RBFA: variants seen among roughly 807,000 people sequenced by gnomAD.
RBFA encodes the protein putative ribosome-binding factor A, mitochondrial.
Under a neutral mutation model 27.9 loss-of-function variants are expected in RBFA, and 16 were observed. That is an observed-to-expected ratio of 0.57 (90% CI 0.39 to 0.87). The LOEUF is 0.87. Among genes scored for constraint, RBFA ranks in the 40% least tolerant of loss-of-function variants. The pLI, the probability that RBFA is intolerant of heterozygous loss-of-function variation, is 0.00. For missense variants in RBFA, 456 were observed against 432.1 expected (o/e 1.06, Z -0.49); for synonymous variants, 181 against 181.0 (o/e 1.00, Z 0.00).
chr18:80,034,477 C>G lies in RBFA; in HGVS notation c.-19C>G, dbSNP rs1401728956. ...GCGCCCGTTGTCTCCCTGCTCGCTCCGGGTCCCGGCGCCGCGCCATGTGGG... is the reference window on the plus strand; with the variant it reads ...GCGCCCGTTGTCTCCCTGCTCGCTCGGGGTCCCGGCGCCGCGCCATGTGGG... On this transcript the variant is annotated 5_prime_UTR_variant, in exon 1 of 7. Transcript: ENST00000306735. 2.0e-6 allele frequency: 3 copies of G among 1,508,960 alleles called. No homozygotes were observed. Among genetic ancestry groups the G allele is most frequent in the African/African-American group, 2.9e-5 (2 of 67,948 alleles). The allele number at this position is 1,508,960 out of a possible 1,614,324, so 93.5% of individuals were successfully genotyped here.
rs1019677893 is a variant in RBFA at position 80,050,612 on chromosome 18, G to A, written c.*4457G>A. Among the ~76,000 whole-genome samples, 1 of 152,112 alleles carries A rather than the reference G, an allele frequency of 6.6e-6. No homozygotes were observed. Among genetic ancestry groups the A allele is most frequent in the Non-Finnish European group, 1.5e-5 (1 of 68,030 alleles). On this transcript the variant is annotated 3_prime_UTR_variant, in exon 7 of 7. Transcript: ENST00000306735. ...AAAGATCATAAATGCTGTGGGTGCT[G>A]GCAAGATACTGAAATAAATTAATTC...
intron 4 of RBFA, chr18:80,041,720 C>CTTTTTTTTTTTTTTTTTTT (rs60801792): frequency 7.0e-6 from 1 of 142,348 alleles, no homozygotes; most frequent in Non-Finnish European, 1.5e-5. Context: ...ACTCCTGCCT[C>CTTTTTTTTTTTTTTTTTTT]TTTTTTTTTT....
chr18:80,044,142 C>T (rs1256618434), intron 5 of RBFA, 70 bp from the exon 6 acceptor site: 45 of 1,296,438 alleles, frequency 3.5e-5, no homozygotes, highest in Admixed American at 6.7e-5. Context: ...GCTGGTGTTA[C>T]GTGGAGCCCG....
intron 1 of RBFA, 82 bp from the exon 2 acceptor site, chr18:80,036,586 A>T: frequency 9.8e-7 from 1 of 1,020,222 alleles, no homozygotes; most frequent in South Asian, 1.4e-5. Flanking sequence ...ATAAACAGTT[A>T]TGGTATCATA....
intron 3 of RBFA, among the ~76,000 whole-genome samples, chr18:80,038,071 A>G (rs2051992796): frequency 6.6e-6 from 1 of 152,202 alleles, no homozygotes; most frequent in Non-Finnish European, 1.5e-5. Context: ...GCACATTGTC[A>G]GATAGTAGAA....
intron 4 of RBFA, 141 bp downstream of exon 4, chr18:80,038,758 T>G: frequency 4.9e-6 from 3 of 611,252 alleles, no homozygotes; most frequent in Non-Finnish European, 8.6e-6. Context: ...TTCTTGAAGT[T>G]CATAGTATAA....
chr18:80,037,602 G>C, intron 3 of RBFA, 96 bp downstream of exon 3: 1 of 1,192,362 alleles, frequency 8.4e-7, no homozygotes, highest in East Asian at 2.4e-5. Context: ...AAAAAAAGAC[G>C]CTTTAGACTG....
At chr18:80,036,742 T>C (rs754747270) in intron 2 of RBFA, 32 bp downstream of exon 2, 8 of 1,553,958 alleles carry the variant, frequency 5.1e-6, no homozygotes, top group East Asian at 2.2e-5. Flanking sequence ...CTTTATAATC[T>C]TGATGGGAGT....
In RBFA at chr18:80,046,647, C is replaced by T. The variant is rs1371304028; in HGVS notation, c.*492C>T. Reference sequence around the variant, plus strand: ...CATCCCTGGGGCTGCTGGGTCGGCACGTGGCGCCGGGGGCTCCGTCCCTGA... The same window carrying T: ...CATCCCTGGGGCTGCTGGGTCGGCATGTGGCGCCGGGGGCTCCGTCCCTGA... On this transcript the variant is annotated 3_prime_UTR_variant, in exon 7 of 7. Transcript: ENST00000306735. 5.3e-5 allele frequency among the ~76,000 whole-genome samples: 8 copies of T among 152,134 alleles called. No individual in the cohort carries two copies. Among genetic ancestry groups the T allele is most frequent in the African/African-American group, 1.2e-4 (5 of 41,436 alleles).
intron 1 of RBFA, chr18:80,034,866 A>G (rs939346396): frequency 5.8e-6 from 3 of 521,282 alleles, no homozygotes; most frequent in African/African-American, 4.1e-5. Flanking sequence ...CAAAGTGACA[A>G]TGTGTGTTTA....
At chr18:80,044,376 C>A in intron 6 of RBFA, 91 bp downstream of exon 6, 1 of 1,116,766 alleles carries the variant, frequency 9.0e-7, no homozygotes, top group Non-Finnish European at 1.4e-6. Context: ...AGCGCCACAT[C>A]CCGAGTAGCC....
intron 4 of RBFA, among the ~76,000 whole-genome samples, chr18:80,039,643 G>A (rs2052003642): frequency 6.6e-6 from 1 of 152,228 alleles, no homozygotes; most frequent in African/African-American, 2.4e-5. Context: ...ATTCACCACT[G>A]TGAGCTTGAC....
At chr18:80,044,858 T>C (rs999559688) in intron 6 of RBFA, among the ~76,000 whole-genome samples, 2 of 152,232 alleles carry the variant, frequency 1.3e-5, no homozygotes, top group African/African-American at 2.4e-5. Context: ...GAGCAGGCCT[T>C]GCCTGGGGGC....
chr18:80,036,590 TATC>T, intron 1 of RBFA, 75 bp from the exon 2 acceptor site: 1 of 1,055,700 alleles, frequency 9.5e-7, no homozygotes, highest in Non-Finnish European at 1.5e-6. Flanking sequence ...ACAGTTATGG[TATC>T]ATAACCTCTT....
intron 1 of RBFA, chr18:80,034,946 A>G: frequency 5.3e-6 from 2 of 375,758 alleles, no homozygotes; most frequent in Non-Finnish European, 9.5e-6. Context: ...ATGAAAAAAT[A>G]TAAGAATTTC....
Position 80,037,430 on chromosome 18 carries a change from A to G in RBFA, c.302A>G (p.Tyr101Cys), listed in dbSNP as rs118123838. 6.7e-5 allele frequency: 108 copies of G among 1,614,178 alleles called. No individual in the cohort carries two copies. The Admixed American group carries it at 9.2e-4, about 14-fold the overall frequency. Residue 101 changes from tyrosine to cysteine, a missense_variant, in exon 3 of 7, where the codon TAT becomes TGT. Coordinates refer to ENST00000306735, the MANE Select transcript of RBFA (RefSeq NM_024805.3). The stretch of plus-strand genomic sequence containing the variant: ...CTGAGGGCCCTGAACGGCCTCCTCT[A>G]TAAGGCACTGACAGACCTGCTGTGT... ...ARLRALNGLL[Y>C]KALTDLLCTP...
chr18:80,036,292 A>G (rs1219129385), intron 1 of RBFA, among the ~76,000 whole-genome samples: 1 of 152,114 alleles, frequency 6.6e-6, no homozygotes, highest in Non-Finnish European at 1.5e-5. Context: ...CCATTTGCTT[A>G]ATTGTTCAGT....
At chr18:80,038,132 G>GC (rs2051993192) in intron 3 of RBFA, among the ~76,000 whole-genome samples, 2 of 152,218 alleles carry the variant, frequency 1.3e-5, no homozygotes, top group Non-Finnish European at 2.9e-5. Flanking sequence ...CCTCAGTACA[G>GC]AGGTACAGGA....
intron 4 of RBFA, among the ~76,000 whole-genome samples, chr18:80,040,692 A>G (rs1027512472): frequency 1.3e-5 from 2 of 152,132 alleles, no homozygotes; most frequent in African/African-American, 2.4e-5. Flanking sequence ...GAGTGTATAT[A>G]TATATTTTTT....
Sources: allele counts gnomAD v4.1 joint callset (sites outside exome capture counted in the v4.1 genomes callset), GRCh38; gene constraint gnomAD v4.1.1; transcripts MANE v1.5; gene names NCBI Gene and HGNC (gene_info 2026-07-23, HGNC 2026-07-21).